Variants in ATL1 observed in about 807,000 individuals in gnomAD.
The protein encoded by ATL1 is atlastin-1.
A neutral mutation model predicts 75.5 loss-of-function variants in ATL1; 31 were observed. That is an observed-to-expected ratio of 0.41 (90% CI 0.31 to 0.55). The LOEUF (loss-of-function observed/expected upper bound fraction) is 0.55, where lower values mean the gene tolerates loss of function less well. Among genes scored for constraint, ATL1 ranks in the 20% least tolerant of loss-of-function variants. The pLI, the probability that ATL1 is intolerant of heterozygous loss-of-function variation, is 0.27. For missense variants in ATL1, 405 were observed against 662.6 expected, an observed-to-expected ratio of 0.61 and a Z score of 4.27; for synonymous variants, 226 against 233.3, an observed-to-expected ratio of 0.97 and a Z score of 0.28.
chr14:50,623,282 C>T (rs1160077094), intron 11 of ATL1, 34 bp downstream of exon 11: 2 of 1,533,544 alleles, frequency 1.3e-6, no homozygotes, highest in Admixed American at 1.7e-5. Flanking sequence ...CTGTCTTAAA[C>T]AAAACCAGTA....
intron 1 of ATL1, among the ~76,000 whole-genome samples, chr14:50,539,382 G>A (rs1320456241): frequency 2.6e-5 from 4 of 152,196 alleles, no homozygotes; most frequent in Admixed American, 2.0e-4. Flanking sequence ...ATAGCTTTGG[G>A]TTCCAAATAC....
chr14:50,621,123 A>G (rs2039463357), intron 9 of ATL1, among the ~76,000 whole-genome samples: 2 of 152,160 alleles, frequency 1.3e-5, no homozygotes, highest in Non-Finnish European at 1.5e-5. Context: ...ATACTTCCCC[A>G]TTTCTTACTC....
At chr14:50,556,655 C>G (rs1294309169), upstream of ATL1, among the ~76,000 whole-genome samples, 1 of 152,212 alleles carries the variant, frequency 6.6e-6, no homozygotes, top group Non-Finnish European at 1.5e-5. Flanking sequence ...CCTCCCACTC[C>G]TTTCTTCCAT....
chr14:50,567,625 T>A (rs1347375575), intron 1 of ATL1, among the ~76,000 whole-genome samples: 1 of 152,230 alleles, frequency 6.6e-6, no homozygotes, highest in African/African-American at 2.4e-5. Context: ...CGCCAACACT[T>A]GTTATGTTCT....
At chr14:50,596,480 C>T (rs1009250806) in intron 6 of ATL1, among the ~76,000 whole-genome samples, 1 of 152,132 alleles carries the variant, frequency 6.6e-6, no homozygotes, top group African/African-American at 2.4e-5. Flanking sequence ...GGCTAACAAG[C>T]TTGCTTTATG....
chr14:50,628,100 G>A lies in ATL1; in HGVS notation c.1189G>A (p.Glu397Lys), dbSNP rs148203226. 6.2e-7 allele frequency: 1 copy of A among 1,614,184 alleles called. No homozygotes were observed. The highest frequency in any genetic ancestry group is 1.1e-5 in the South Asian group (1 of 91,084). ...LQTKHLQLKEESVKLFRGVKK... is the reference protein window; with the variant it reads ...LQTKHLQLKEKSVKLFRGVKK... ...GACCAAACACCTGCAACTTAAGGAA[G>A]AATCTGTGAAGCTATTCCGAGGGGT... Residue 397 changes from glutamate to lysine, a missense_variant, in exon 12 of 14, where the codon GAA becomes AAA. By Grantham distance (56) the Glu-to-Lys change is moderately conservative. Transcript: ENST00000358385.
In ATL1 at chr14:50,632,474, A is replaced by C; in HGVS notation, c.*135A>C. The C allele has an allele frequency of 1.5e-6, 1 of 653,996 alleles. No homozygotes were observed. Among genetic ancestry groups the C allele is most frequent in the South Asian group, 1.6e-5 (1 of 62,254 alleles). 40.5% of individuals were successfully genotyped at this position (653,996 alleles called of 1,614,324 possible). A position where few individuals can be genotyped will look rare whatever the true frequency, so the allele number is the denominator to read the frequency against. ...AACACCTCTGAAGACTGCAAACTGG[A>C]TTAGTTCTTTTACTTCAGTGTTTAA... is the stretch of plus-strand genomic sequence containing the variant. On this transcript the variant is annotated 3_prime_UTR_variant, in exon 14 of 14. Coordinates refer to ENST00000358385, the MANE Select transcript of ATL1 (RefSeq NM_015915.5).
At chr14:50,618,830 A>G (rs1433894140) in intron 8 of ATL1, among the ~76,000 whole-genome samples, 1 of 151,500 alleles carries the variant, frequency 6.6e-6, no homozygotes, top group Non-Finnish European at 1.5e-5. Context: ...TTTACATAGT[A>G]TGTGTATTTT....
chr14:50,590,218 C>A (rs1459571247), intron 2 of ATL1, among the ~76,000 whole-genome samples: 2 of 152,142 alleles, frequency 1.3e-5, no homozygotes, highest in Non-Finnish European at 1.5e-5. Flanking sequence ...TTCTAGCTAT[C>A]ATTTCCCTTC....
chr14:50,612,703 C>T (rs2039377041), intron 6 of ATL1, among the ~76,000 whole-genome samples: 1 of 151,994 alleles, frequency 6.6e-6, no homozygotes, highest in East Asian at 1.9e-4. Flanking sequence ...CCTAGGGAGA[C>T]GACTGGATGA....
At chr14:50,554,530 A>T (rs1566711243) in intron 1 of ATL1, among the ~76,000 whole-genome samples, 1 of 152,180 alleles carries the variant, frequency 6.6e-6, no homozygotes, top group Non-Finnish European at 1.5e-5. Flanking sequence ...TAGGTTATTT[A>T]AGGTGTACAT....
chr14:50,559,502 A>C (rs1293096179), upstream of ATL1: 2 of 152,226 alleles, frequency 1.3e-5, no homozygotes, highest in East Asian at 3.8e-4. Flanking sequence ...CAGACTATGT[A>C]GTATGATTTC....
At chr14:50,626,575 G>A (rs924916095) in intron 11 of ATL1, among the ~76,000 whole-genome samples, 19 of 152,218 alleles carry the variant, frequency 1.2e-4, no homozygotes, top group African/African-American at 2.9e-4. Context: ...TACTCCTAGC[G>A]AAGATGCTGT....
At chr14:50,617,340 A>G (rs1566731972) in intron 8 of ATL1, among the ~76,000 whole-genome samples, 1 of 152,222 alleles carries the variant, frequency 6.6e-6, no homozygotes, top group Non-Finnish European at 1.5e-5. Context: ...CTAGCACAGC[A>G]GATACAATTT....
At chr14:50,579,640 C>T (rs188459398) in intron 1 of ATL1, among the ~76,000 whole-genome samples, 1 of 152,280 alleles carries the variant, frequency 6.6e-6, no homozygotes, top group East Asian at 1.9e-4. Flanking sequence ...AATCTGAGAA[C>T]ATGTATATCC....
intron 6 of ATL1, among the ~76,000 whole-genome samples, chr14:50,603,998 A>G (rs1442940805): frequency 1.3e-5 from 2 of 152,204 alleles, no homozygotes; most frequent in African/African-American, 4.8e-5. Flanking sequence ...TGTCCAGAAG[A>G]GCAATAACAG....
chr14:50,553,779 GA>G (rs1343495217), intron 1 of ATL1, among the ~76,000 whole-genome samples: 2 of 152,158 alleles, frequency 1.3e-5, no homozygotes, highest in African/African-American at 4.8e-5. Context: ...CCATAAAACA[GA>G]ACAAAATAAT....
chr14:50,589,438 A>C (rs1015868218), intron 2 of ATL1, among the ~76,000 whole-genome samples: 1 of 152,094 alleles, frequency 6.6e-6, no homozygotes, highest in Non-Finnish European at 1.5e-5. Context: ...GATTACAGAC[A>C]TGAGCCACCA....
At chr14:50,602,044 G>C (rs2039276303) in intron 6 of ATL1, among the ~76,000 whole-genome samples, 1 of 152,066 alleles carries the variant, frequency 6.6e-6, no homozygotes, top group Non-Finnish European at 1.5e-5. Context: ...TTCTGTATTG[G>C]GATGATCACA....
Sources: gnomAD v4.1 joint callset for allele counts (sites outside exome capture counted in the v4.1 genomes callset) on GRCh38, gnomAD v4.1.1 for gene constraint, MANE v1.5 for transcripts, NCBI Gene and HGNC (gene_info 2026-07-23, HGNC 2026-07-21) for gene names.